The following EYS variants were observed in gnomAD, a reference collection of about 807,000 sequenced individuals.
EYS encodes the protein EGF-like photoreceptor maintenance factor, also known as protein eyes shut homolog.
Under a neutral mutation model 282.1 loss-of-function variants are expected in EYS, and 250 were observed. That is an observed-to-expected ratio of 0.89 (90% CI 0.80 to 0.98). The LOEUF (loss-of-function observed/expected upper bound fraction) is 0.98, where lower values mean the gene tolerates loss of function less well. Among genes scored for constraint, EYS ranks in the 50% least tolerant of loss-of-function variants. EYS has a pLI of 0.00. For synonymous variants in EYS, 1,355 were observed against 1,282.9 expected, an observed-to-expected ratio of 1.06 and a Z score of -1.20; for missense variants, 4,016 against 3,709.0, an observed-to-expected ratio of 1.08 and a Z score of -2.15.
rs182780351 is a variant in EYS at position 64,374,082 on chromosome 6, T to A, written c.6078+14608A>T. Among the ~76,000 whole-genome samples, 40 of 151,768 alleles carry A rather than the reference T, an allele frequency of 2.6e-4. 1 individual carries two copies. In the East Asian group the frequency reaches 6.8e-3, roughly 26 times the overall value. On this transcript the variant is annotated intron_variant, in intron 29 of 42. Coordinates refer to ENST00000503581, the MANE Select transcript of EYS (RefSeq NM_001142800.2). ...CTCTAGCAAGCATTGCCTACGTGGC[T>A]ACTAGTGGCGGGGCAGGTAAAGTGG...
chr6:65,376,779 G>A (rs529163669), intron 8 of EYS, among the ~76,000 whole-genome samples: 167 of 152,132 alleles, frequency 1.1e-3, no homozygotes, highest in African/African-American at 3.9e-3. Context: ...ACAAAGAAGG[G>A]CATTACATAA....
intron 11 of EYS, among the ~76,000 whole-genome samples, chr6:65,327,208 C>G (rs1029297486): frequency 1.3e-5 from 2 of 151,546 alleles, no homozygotes; most frequent in African/African-American, 4.8e-5. Flanking sequence ...GTAGTTCCAG[C>G]CTTGTTCTCA....
In EYS at chr6:63,721,293, G is replaced by A. The variant is rs1768377186; in HGVS notation, c.8738C>T (p.Ser2913Phe). The change falls in exon 43 of 43, where the codon TCT (serine) becomes TTT (phenylalanine). Residue 2913 changes from serine (S) to phenylalanine (F), a missense_variant. By Grantham distance (155) the Ser-to-Phe change is radical. Coordinates refer to ENST00000503581, the MANE Select transcript of EYS (RefSeq NM_001142800.2). ...GCAAAGATTATTCAAACAGGACACA[G>A]ACTGGTTACATGTATTTCCAGCCCA... ...PDWAGNTCNQ[S>F]VSCLNNLCLH... is the part of the protein sequence containing the mutation. 3 of 1,551,932 alleles carry A rather than the reference G, an allele frequency of 1.9e-6. No individual in the cohort carries two copies. The highest frequency in any genetic ancestry group is 2.6e-6 in the Non-Finnish European group (3 of 1,146,982).
At chr6:64,373,236 ATTG>A (rs766614954) in intron 29 of EYS, among the ~76,000 whole-genome samples, 2 of 151,240 alleles carry the variant, frequency 1.3e-5, no homozygotes, top group South Asian at 2.1e-4. Context: ...GATGGATTTT[ATTG>A]TTGTTGTTGT....
chr6:64,829,686 G>A (rs1248269439), intron 19 of EYS, among the ~76,000 whole-genome samples: 2 of 151,810 alleles, frequency 1.3e-5, no homozygotes, highest in African/African-American at 4.8e-5. Context: ...TTTTGGGGAT[G>A]GAACACTAAA....
chr6:64,252,926 T>G (rs1026250595), intron 30 of EYS, among the ~76,000 whole-genome samples: 3 of 152,200 alleles, frequency 2.0e-5, no homozygotes, highest in Non-Finnish European at 4.4e-5. Flanking sequence ...GTATTCTGTG[T>G]GCCCAATATA....
At chr6:64,704,505 TAATAA>T (rs1770915341) in intron 22 of EYS, among the ~76,000 whole-genome samples, 1 of 12,936 alleles carries the variant, frequency 7.7e-5, no homozygotes, top group Non-Finnish European at 3.6e-4. Flanking sequence ...ATAATACTTA[TAATAA>T]TATTATAATT....
chr6:63,761,559 C>A (rs958384051), intron 41 of EYS, among the ~76,000 whole-genome samples: 14 of 151,858 alleles, frequency 9.2e-5, no homozygotes, highest in Admixed American at 3.3e-4. Flanking sequence ...TTATTTTTTT[C>A]TTACACATAT....
At chr6:65,452,565 T>C (rs1041118791) in intron 5 of EYS, among the ~76,000 whole-genome samples, 5 of 151,968 alleles carry the variant, frequency 3.3e-5, no homozygotes, top group African/African-American at 1.2e-4. Context: ...ATAAAAAATA[T>C]TATGTAATTG....
At chr6:64,338,710 A>T (rs926421493) in intron 29 of EYS, among the ~76,000 whole-genome samples, 6 of 152,062 alleles carry the variant, frequency 3.9e-5, no homozygotes, top group Non-Finnish European at 8.8e-5. Flanking sequence ...CTCTGGAAGC[A>T]TCATGCTACC....
chr6:64,943,849 A>G (rs1049540047), intron 15 of EYS, among the ~76,000 whole-genome samples: 8 of 152,154 alleles, frequency 5.3e-5, no homozygotes, highest in Admixed American at 1.3e-4. Context: ...GAGAAAAACT[A>G]TACTAAAATG....
chr6:64,238,171 T>C (rs995945130), intron 30 of EYS, among the ~76,000 whole-genome samples: 2 of 152,184 alleles, frequency 1.3e-5, no homozygotes, highest in Non-Finnish European at 1.5e-5. Flanking sequence ...CCATCTTCTA[T>C]TCTTTAGCTA....
chr6:65,585,060 CT>C (rs1300823670), intron 2 of EYS, among the ~76,000 whole-genome samples: 1 of 151,670 alleles, frequency 6.6e-6, no homozygotes, highest in Non-Finnish European at 1.5e-5. Flanking sequence ...TTGTTATTTG[CT>C]TTACTAAAGT....
chr6:64,022,201 C>A (rs1319412146), intron 33 of EYS, among the ~76,000 whole-genome samples: 1 of 152,162 alleles, frequency 6.6e-6, no homozygotes, highest in African/African-American at 2.4e-5. Flanking sequence ...TGTTTCCATT[C>A]ACACTGGCAA....
intron 13 of EYS, among the ~76,000 whole-genome samples, chr6:65,003,493 A>G (rs1771534283): frequency 1.4e-5 from 2 of 147,312 alleles, no homozygotes; most frequent in Admixed American, 6.7e-5. Context: ...CCCTGCCTCC[A>G]CTTGCCTTGT....
At chr6:64,689,437 C>T (rs1008245811) in intron 22 of EYS, among the ~76,000 whole-genome samples, 4 of 142,262 alleles carry the variant, frequency 2.8e-5, no homozygotes, top group African/African-American at 1.1e-4. Context: ...CATCAAGCTA[C>T]CAATGACTTT....
intron 31 of EYS, among the ~76,000 whole-genome samples, chr6:64,130,796 G>T (rs1420087317): frequency 6.6e-6 from 1 of 152,132 alleles, no homozygotes; most frequent in Non-Finnish European, 1.5e-5. Flanking sequence ...AAGAGGTAAA[G>T]TGGGAGGAGA....
At chr6:65,305,401 G>T (rs529432300) in intron 11 of EYS, among the ~76,000 whole-genome samples, 73 of 152,236 alleles carry the variant, frequency 4.8e-4, no homozygotes, top group African/African-American at 1.7e-3. Context: ...CAAATTTTAT[G>T]CTACCACTAA....
At chr6:65,657,464 G>A (rs1767866582) in intron 1 of EYS, among the ~76,000 whole-genome samples, 1 of 151,860 alleles carries the variant, frequency 6.6e-6, no homozygotes, top group African/African-American at 2.4e-5. Context: ...AAATCTCATA[G>A]ATGACATTGA....
Sources: gnomAD v4.1 joint callset for allele counts (sites outside exome capture counted in the v4.1 genomes callset) on GRCh38, gnomAD v4.1.1 for gene constraint, MANE v1.5 for transcripts, NCBI Gene and HGNC (gene_info 2026-07-23, HGNC 2026-07-21) for gene names.